The following COBL variants were observed in gnomAD, a reference collection of about 807,000 sequenced individuals.
The protein encoded by COBL is cordon-bleu WH2 repeat protein.
A neutral mutation model predicts 98.8 loss-of-function variants in COBL; 51 were observed. The ratio of observed to expected loss-of-function variants is 0.52; its 90% confidence interval spans 0.41 to 0.65. COBL has a LOEUF of 0.65. Among genes scored for constraint, COBL ranks in the 30% least tolerant of loss-of-function variants. COBL has a pLI of 0.00. For missense variants in COBL, 1,617 were observed against 1,617.5 expected, an observed-to-expected ratio of 1.00 and a Z score of 0.01; for synonymous variants, 634 against 651.7, an observed-to-expected ratio of 0.97 and a Z score of 0.41.
chr7:51,129,505 T>C (rs918004825), intron 6 of COBL, among the ~76,000 whole-genome samples: 1 of 152,016 alleles, frequency 6.6e-6, no homozygotes, highest in Non-Finnish European at 1.5e-5. Context: ...GGTAAATAAA[T>C]CATGTACACG....
chr7:51,143,893 C>T (rs537115381), intron 5 of COBL, among the ~76,000 whole-genome samples: 1 of 152,206 alleles, frequency 6.6e-6, no homozygotes, highest in South Asian at 2.1e-4. Flanking sequence ...TTCTCTGATG[C>T]ACTGTTTATA....
chr7:51,063,835 G>A (rs977268962), intron 7 of COBL, among the ~76,000 whole-genome samples: 5 of 152,114 alleles, frequency 3.3e-5, no homozygotes, highest in Admixed American at 6.5e-5. Context: ...AGCAGCCCCC[G>A]AAACATTTCT....
Position 51,105,756 on chromosome 7 carries a change from A to G in COBL, c.958-20452T>C, listed in dbSNP as rs561879862. ...GGGCAACAGAACAAGACCCCATCTCAGATCCACCCTCTGTCCTCCTGGGTT... is the reference window on the plus strand; with the variant it reads ...GGGCAACAGAACAAGACCCCATCTCGGATCCACCCTCTGTCCTCCTGGGTT... On this transcript the variant is annotated intron_variant, in intron 6 of 12. Transcript: ENST00000265136. Among the ~76,000 whole-genome samples the G allele has an allele frequency of 2.0e-5, 3 of 152,080 alleles. No homozygotes were observed. The East Asian group carries it at 5.8e-4, about 30-fold the overall frequency.
chr7:51,269,479 C>A (rs917836035), intron 1 of COBL, among the ~76,000 whole-genome samples: 6 of 152,172 alleles, frequency 3.9e-5, no homozygotes, highest in Non-Finnish European at 8.8e-5. Context: ...CCTCCAGAGT[C>A]GGGCACTAGG....
chr7:51,090,830 G>A (rs1346836442), intron 6 of COBL, among the ~76,000 whole-genome samples: 1 of 152,222 alleles, frequency 6.6e-6, no homozygotes, highest in East Asian at 1.9e-4. Flanking sequence ...ATGGATGACT[G>A]AAGGCTTTAG....
chr7:51,178,307 A>G (rs1788609971), intron 5 of COBL, among the ~76,000 whole-genome samples: 1 of 152,176 alleles, frequency 6.6e-6, no homozygotes, highest in Admixed American at 6.5e-5. Context: ...ATAAAACTAA[A>G]TGGGTATAGG....
At chr7:51,170,534 T>TATATATATATATATATAA (rs1315143701) in intron 5 of COBL, among the ~76,000 whole-genome samples, 55 of 134,484 alleles carry the variant, frequency 4.1e-4, no homozygotes, top group African/African-American at 1.5e-3. Context: ...TATATATAAA[T>TATATATATATATATATAA]ATATATCACA....
chr7:51,043,281 C>G, intron 8 of COBL, 102 bp downstream of exon 8: 1 of 1,155,868 alleles, frequency 8.7e-7, no homozygotes, highest in Non-Finnish European at 1.2e-6. Flanking sequence ...TGGTGCAGAG[C>G]AGGTTGTGAT....
chr7:51,063,746 T>C (rs953598899), intron 7 of COBL, among the ~76,000 whole-genome samples: 1 of 152,182 alleles, frequency 6.6e-6, no homozygotes, highest in African/African-American at 2.4e-5. Flanking sequence ...AAAGAAGAAA[T>C]CAAGATTTTA....
At chr7:51,278,146 G>T (rs140619791) in intron 1 of COBL, among the ~76,000 whole-genome samples, 1 of 152,052 alleles carries the variant, frequency 6.6e-6, no homozygotes, top group African/African-American at 2.4e-5. Flanking sequence ...CGCAATACCC[G>T]TATCAAATGA....
At chr7:51,075,095 G>A (rs77670645) in intron 7 of COBL, among the ~76,000 whole-genome samples, 12,843 of 152,216 alleles carry the variant, frequency 0.084, 769 homozygotes, top group South Asian at 0.12. Flanking sequence ...TTACTCATTT[G>A]TCAATCCCAT....
chr7:51,244,440 G>C (rs1297865919), intron 1 of COBL, among the ~76,000 whole-genome samples: 1 of 152,146 alleles, frequency 6.6e-6, no homozygotes, highest in African/African-American at 2.4e-5. Context: ...TGCTGTAATA[G>C]CCACTCACAT....
chr7:51,019,764 C>A (rs568564619), intron 12 of COBL, among the ~76,000 whole-genome samples: 2 of 152,352 alleles, frequency 1.3e-5, no homozygotes, highest in African/African-American at 4.8e-5. Context: ...AACCAAAGCA[C>A]ACCACAGGTT....
intron 1 of COBL, among the ~76,000 whole-genome samples, chr7:51,230,863 AC>A (rs1400825217): frequency 2.4e-4 from 36 of 152,220 alleles, no homozygotes; most frequent in African/African-American, 8.4e-4. Flanking sequence ...GTCTCCATCA[AC>A]CCTCACCAGC....
chr7:51,123,583 A>C (rs571139220), intron 6 of COBL, among the ~76,000 whole-genome samples: 2 of 152,314 alleles, frequency 1.3e-5, no homozygotes, highest in East Asian at 3.9e-4. Flanking sequence ...TGCTAAGAAA[A>C]CACTCCAGTG....
At chr7:51,166,065 G>GC (rs1787293078) in intron 5 of COBL, among the ~76,000 whole-genome samples, 1 of 151,756 alleles carries the variant, frequency 6.6e-6, no homozygotes, top group Non-Finnish European at 1.5e-5. Context: ...AATTAGAAAA[G>GC]CAAGAGCAAA....
Position 51,065,033 on chromosome 7 carries a change from G to A in COBL, c.1096+20133C>T. The A allele has an allele frequency of 4.8e-6, 3 of 627,002 alleles. No individual in the cohort carries two copies. In the South Asian group the frequency reaches 5.7e-5, roughly 12 times the overall value. 38.8% of individuals were successfully genotyped at this position (627,002 alleles called of 1,614,324 possible). A position where few individuals can be genotyped will look rare whatever the true frequency, so the allele number is the denominator to read the frequency against. On this transcript the variant is annotated intron_variant, in intron 7 of 12. Transcript: ENST00000265136. ...AGACAGAATTCATTACATTAGAACT[G>A]TGTGAATAACACTGATTTCAGGAGG...
chr7:51,225,267 G>C (rs1466087095), intron 1 of COBL, among the ~76,000 whole-genome samples: 1 of 152,192 alleles, frequency 6.6e-6, no homozygotes, highest in Non-Finnish European at 1.5e-5. Flanking sequence ...AGCTTACCAA[G>C]CAGGGGATGC....
intron 1 of COBL, among the ~76,000 whole-genome samples, chr7:51,229,487 C>A (rs1488876734): frequency 6.6e-6 from 1 of 152,176 alleles, no homozygotes; most frequent in African/African-American, 2.4e-5. Context: ...AAGGTGCATT[C>A]GTCCACCACC....
Sources: gnomAD v4.1 joint callset for allele counts (sites outside exome capture counted in the v4.1 genomes callset) on GRCh38, gnomAD v4.1.1 for gene constraint, MANE v1.5 for transcripts, NCBI Gene and HGNC (gene_info 2026-07-23, HGNC 2026-07-21) for gene names.